The following THSD7B variants were observed in gnomAD, a reference collection of about 807,000 sequenced individuals.
THSD7B encodes thrombospondin type-1 domain-containing protein 7B.
A neutral mutation model predicts 213.6 loss-of-function variants in THSD7B; 138 were observed. That is an observed-to-expected ratio of 0.65 (90% CI 0.56 to 0.74). THSD7B has a LOEUF of 0.74. THSD7B is among the 30% of genes least tolerant of loss of function. The pLI is 0.00. For missense variants in THSD7B, 1,931 were observed against 1,991.5 expected, an observed-to-expected ratio of 0.97 and a Z score of 0.58; for synonymous variants, 742 against 687.0, an observed-to-expected ratio of 1.08 and a Z score of -1.25.
intron 15 of THSD7B, among the ~76,000 whole-genome samples, chr2:137,486,190 C>T (rs577079185): frequency 0.014 from 2,177 of 152,136 alleles, 73 homozygotes; most frequent in African/African-American, 0.051. Context: ...AATTAAAAGA[C>T]ACAGACTGGC....
chr2:136,767,292 C>T (rs1681418172), intron 1 of THSD7B, among the ~76,000 whole-genome samples: 1 of 152,130 alleles, frequency 6.6e-6, no homozygotes, highest in Non-Finnish European at 1.5e-5. Flanking sequence ...TATAAAGTTT[C>T]TGTCTTGAGG....
At chr2:137,676,487 A>AACTT (rs747528140) in intron 27 of THSD7B, 37 bp from the exon 28 acceptor site, 5 of 1,537,842 alleles carry the variant, frequency 3.3e-6, no homozygotes, top group South Asian at 2.5e-5. Context: ...GAGCTCTATG[A>AACTT]ACTTACTTGA....
intron 15 of THSD7B, among the ~76,000 whole-genome samples, chr2:137,529,387 A>G (rs542422448): frequency 2.8e-4 from 42 of 152,120 alleles, no homozygotes; most frequent in Middle Eastern, 6.8e-3. Flanking sequence ...CCTAAAATTT[A>G]TTTTAAAATA....
At chr2:137,174,152 G>C (rs183804725) in intron 7 of THSD7B, among the ~76,000 whole-genome samples, 3 of 152,238 alleles carry the variant, frequency 2.0e-5, no homozygotes, top group African/African-American at 7.2e-5. Context: ...AACTTGGCTT[G>C]TTTACCATTT....
chr2:136,765,738 C>T (rs184364390), intron 1 of THSD7B, 51 bp downstream of exon 1: 2 of 152,366 alleles, frequency 1.3e-5, no homozygotes, highest in East Asian at 1.9e-4. Flanking sequence ...GCCCCCTGGC[C>T]GGCCGACTGG....
intron 12 of THSD7B, among the ~76,000 whole-genome samples, chr2:137,358,995 C>A (rs10176697): frequency 6.6e-6 from 1 of 152,166 alleles, no homozygotes; most frequent in Non-Finnish European, 1.5e-5. Flanking sequence ...AACACATATT[C>A]CTCAACTGAA....
intron 7 of THSD7B, among the ~76,000 whole-genome samples, chr2:137,214,617 G>A (rs1449988848): frequency 1.4e-5 from 2 of 144,066 alleles, no homozygotes; most frequent in Non-Finnish European, 3.0e-5. Flanking sequence ...GGTGTGTGAT[G>A]TTCCCCTCCC....
intron 15 of THSD7B, among the ~76,000 whole-genome samples, chr2:137,531,801 A>C (rs1428561801): frequency 6.6e-6 from 1 of 151,926 alleles, no homozygotes; most frequent in Admixed American, 6.6e-5. Flanking sequence ...CCTAGTATCT[A>C]ATGCTTAATT....
chr2:137,294,281 A>C (rs1192085931), intron 12 of THSD7B, among the ~76,000 whole-genome samples: 1 of 152,064 alleles, frequency 6.6e-6, no homozygotes, highest in African/African-American at 2.4e-5. Context: ...TGGTACAATA[A>C]GATATTTTGA....
In THSD7B at chr2:137,056,402, T is replaced by C. The variant is rs1346949849; in HGVS notation, c.140-18T>C. 3.8e-6 allele frequency: 6 copies of C among 1,591,698 alleles called. No homozygotes were observed. Among genetic ancestry groups the C allele is most frequent in the Non-Finnish European group, 5.1e-6 (6 of 1,166,890 alleles). On this transcript the variant is annotated intron_variant, in intron 2 of 27. Transcript: ENST00000409968. ...TGTAATCTCTGAGTAATTAACATCC[T>C]TGTTTTTCTGCCTGTAGGTCCGTGG...
At chr2:136,772,552 C>G (rs1681526492) in intron 1 of THSD7B, among the ~76,000 whole-genome samples, 1 of 152,112 alleles carries the variant, frequency 6.6e-6, no homozygotes, top group Non-Finnish European at 1.5e-5. Context: ...ATCATTAGAA[C>G]AGAACTGTCC....
chr2:137,599,139 T>C lies in THSD7B; in HGVS notation c.3424-17036T>C, dbSNP rs912974694. 3.4e-5 allele frequency among the ~76,000 whole-genome samples: 5 copies of C among 148,390 alleles called. No individual in the cohort carries two copies. The South Asian group carries it at 6.5e-4, about 19-fold the overall frequency. On this transcript the variant is annotated intron_variant, in intron 17 of 27. Transcript: ENST00000409968. ...ATGAGTGAGAATATACGGTGTTTGG[T>C]TTTTTTTTCTTGCGATAGTTTACTG...
intron 17 of THSD7B, 87 bp from the exon 18 acceptor site, chr2:137,616,088 C>G: frequency 7.4e-7 from 1 of 1,345,810 alleles, no homozygotes; most frequent in Non-Finnish European, 1.0e-6. Context: ...TATATTGTTA[C>G]ATATGTGCCT....
intron 17 of THSD7B, among the ~76,000 whole-genome samples, chr2:137,600,490 C>A (rs529223920): frequency 1.3e-5 from 2 of 152,158 alleles, no homozygotes; most frequent in Admixed American, 1.3e-4. Context: ...GTAGTCCTAG[C>A]ACTTTGAGAG....
intron 2 of THSD7B, among the ~76,000 whole-genome samples, chr2:136,977,613 C>G (rs1472749944): frequency 1.3e-5 from 2 of 151,946 alleles, no homozygotes; most frequent in Non-Finnish European, 2.9e-5. Context: ...TATAAATTTC[C>G]CTCTTAACAC....
chr2:137,676,045 C>T (rs772305886), intron 27 of THSD7B, among the ~76,000 whole-genome samples: 1 of 152,072 alleles, frequency 6.6e-6, no homozygotes, highest in Non-Finnish European at 1.5e-5. Flanking sequence ...TGGCTTTGCA[C>T]GGAGTAGAAT....
intron 12 of THSD7B, among the ~76,000 whole-genome samples, chr2:137,322,763 A>G (rs770300143): frequency 6.6e-6 from 1 of 152,186 alleles, no homozygotes; most frequent in Non-Finnish European, 1.5e-5. Context: ...AGGAATCAAT[A>G]TGTGCCGTAG....
chr2:137,065,656 T>C (rs886673612), intron 3 of THSD7B, among the ~76,000 whole-genome samples: 3 of 148,188 alleles, frequency 2.0e-5, no homozygotes, highest in Non-Finnish European at 4.4e-5. Flanking sequence ...TAATGGAACA[T>C]TTTATGTTGT....
intron 15 of THSD7B, among the ~76,000 whole-genome samples, chr2:137,476,124 T>G (rs1184567076): frequency 6.6e-6 from 1 of 152,176 alleles, no homozygotes; most frequent in Non-Finnish European, 1.5e-5. Context: ...ACATGTGTCC[T>G]CATGTCCTTT....
Sources: allele counts gnomAD v4.1 joint callset (sites outside exome capture counted in the v4.1 genomes callset), GRCh38; gene constraint gnomAD v4.1.1; transcripts MANE v1.5; gene names NCBI Gene and HGNC (gene_info 2026-07-23, HGNC 2026-07-21).